Variants in NTRK3 observed in about 807,000 individuals in gnomAD.
The protein encoded by NTRK3 is NT-3 growth factor receptor.
NTRK3 carries 24 observed loss-of-function variants against 91.7 expected under a neutral mutation model. The observed-to-expected ratio is 0.26, with a 90% CI of 0.19 to 0.37. The LOEUF (loss-of-function observed/expected upper bound fraction) is 0.37. Among genes scored for constraint, NTRK3 ranks in the 10% least tolerant of loss-of-function variants. The pLI is 1.00. For synonymous variants in NTRK3, 483 were observed against 404.0 expected (o/e 1.20, Z -2.34); for missense variants, 880 against 1,068.9 (o/e 0.82, Z 2.46).
intron 13 of NTRK3, among the ~76,000 whole-genome samples, chr15:88,082,590 A>G (rs978744662): frequency 6.6e-6 from 1 of 152,236 alleles, no homozygotes; most frequent in Non-Finnish European, 1.5e-5. Flanking sequence ...TGAACTTCAT[A>G]TAAATGGAAT....
At chr15:88,127,368 C>T (rs2053401142) in intron 11 of NTRK3, 142 bp from the exon 12 acceptor site, 2 of 741,728 alleles carry the variant, frequency 2.7e-6, no homozygotes, top group Admixed American at 2.0e-5. Flanking sequence ...TGCAGTCTGC[C>T]TTCCCCAGGC....
chr15:87,874,173 G>A, exon 19 of NTRK3: 1 of 83,536 alleles, frequency 1.2e-5, no homozygotes, highest in East Asian at 1.7e-4. Flanking sequence ...AATTTCCATG[G>A]CCCTATTTTC....
chr15:88,009,461 C>T (rs2076717866), intron 14 of NTRK3, among the ~76,000 whole-genome samples: 1 of 152,150 alleles, frequency 6.6e-6, no homozygotes, highest in Non-Finnish European at 1.5e-5. Context: ...CTAATGGTTG[C>T]CATGCAGAAA....
exon 19 of NTRK3, chr15:87,874,849 TG>T (rs1488181839): frequency 4.3e-6 from 1 of 231,404 alleles, no homozygotes; most frequent in East Asian, 6.1e-5. Context: ...AGGAGTTCCT[TG>T]AGGTGGTCAA....
intron 17 of NTRK3, among the ~76,000 whole-genome samples, chr15:87,919,829 G>T (rs1464263103): frequency 6.6e-6 from 1 of 152,062 alleles, no homozygotes; most frequent in South Asian, 2.1e-4. Context: ...TATTTTATCA[G>T]GAAGGAAAAA....
At chr15:87,938,412 A>G (rs1050719961) in intron 15 of NTRK3, among the ~76,000 whole-genome samples, 7 of 152,142 alleles carry the variant, frequency 4.6e-5, no homozygotes, top group South Asian at 2.1e-4. Flanking sequence ...GGAGGGGAGG[A>G]AGCAGGAAAC....
At chr15:87,909,384 C>A (rs1369015035) in intron 17 of NTRK3, among the ~76,000 whole-genome samples, 4 of 152,158 alleles carry the variant, frequency 2.6e-5, no homozygotes, top group Admixed American at 2.6e-4. Context: ...ACAGTCTCTG[C>A]TCTCAATTGA....
At chr15:88,135,832 C>T (rs777058837) in intron 9 of NTRK3, 67 bp downstream of exon 9, 57 of 1,592,170 alleles carry the variant, frequency 3.6e-5, no homozygotes, top group Non-Finnish European at 4.4e-5. Flanking sequence ...ACACCTTGGC[C>T]CCTCTCCAGC....
intron 3 of NTRK3, among the ~76,000 whole-genome samples, chr15:88,210,582 T>C (rs2049155317): frequency 6.6e-6 from 1 of 152,212 alleles, no homozygotes; most frequent in Non-Finnish European, 1.5e-5. Context: ...GTGGTGCCTG[T>C]GAAGATGATG....
chr15:87,954,572 G>A (rs1227397351), intron 14 of NTRK3, among the ~76,000 whole-genome samples: 2 of 152,138 alleles, frequency 1.3e-5, no homozygotes, highest in Admixed American at 1.3e-4. Context: ...TTAAATATTT[G>A]GATGGAAGAC....
rs1260380498 is a variant in NTRK3 at position 88,029,485 on chromosome 15, A to T, written c.1585+3372T>A. Among the ~76,000 whole-genome samples, 4 of 152,370 alleles carry T rather than the reference A, an allele frequency of 2.6e-5. No homozygotes were observed. The East Asian group carries it at 7.7e-4, about 29-fold the overall frequency. ...CTGTTTATAATAAATACATAAGTAC[A>T]GAAAGAAAAGCACATTTGTGCTTAA... On this transcript the variant is annotated intron_variant, in intron 14 of 18. Transcript: ENST00000394480.
intron 13 of NTRK3, among the ~76,000 whole-genome samples, chr15:88,039,608 ATT>A (rs1415047350): frequency 6.6e-6 from 1 of 152,252 alleles, no homozygotes; most frequent in Non-Finnish European, 1.5e-5. Context: ...TAAATGGTTT[ATT>A]CCAAGTTGGG....
intron 3 of NTRK3, among the ~76,000 whole-genome samples, chr15:88,229,884 A>C (rs2051021220): frequency 6.6e-6 from 1 of 152,274 alleles, no homozygotes. Context: ...CATCAGGAAC[A>C]TTTGTTCCGG....
chr15:88,209,074 A>C (rs1474891366), intron 3 of NTRK3, among the ~76,000 whole-genome samples: 1 of 152,244 alleles, frequency 6.6e-6, no homozygotes, highest in Non-Finnish European at 1.5e-5. Flanking sequence ...ACTATTAGGC[A>C]TAAGTTCTAT....
intron 17 of NTRK3, among the ~76,000 whole-genome samples, chr15:87,917,207 A>T (rs2067508752): frequency 6.6e-6 from 1 of 152,222 alleles, no homozygotes; most frequent in African/African-American, 2.4e-5. Context: ...TTCTCGCTAG[A>T]CACAACTGAG....
intron 13 of NTRK3, among the ~76,000 whole-genome samples, chr15:88,041,226 C>A (rs979668250): frequency 6.6e-6 from 1 of 152,206 alleles, no homozygotes; most frequent in Non-Finnish European, 1.5e-5. Flanking sequence ...TCTGGGCTGA[C>A]AAGTCCAACA....
chr15:88,130,935 G>C (rs147353632), intron 10 of NTRK3, among the ~76,000 whole-genome samples: 9 of 152,218 alleles, frequency 5.9e-5, no homozygotes, highest in Non-Finnish European at 1.0e-4. Flanking sequence ...ATCGTGGTTA[G>C]GTAAGATGTT....
chr15:88,040,402 A>G (rs572395860), intron 13 of NTRK3, among the ~76,000 whole-genome samples: 7 of 152,280 alleles, frequency 4.6e-5, no homozygotes, highest in African/African-American at 1.7e-4. Context: ...GACTCCAGGG[A>G]AAGTTCTTCT....
chr15:88,140,557 G>A (rs983973632), intron 6 of NTRK3, among the ~76,000 whole-genome samples: 3 of 152,192 alleles, frequency 2.0e-5, no homozygotes, highest in Non-Finnish European at 2.9e-5. Context: ...TTGTTTATGT[G>A]AGTCATATCT....
Sources: allele counts gnomAD v4.1 joint callset (sites outside exome capture counted in the v4.1 genomes callset), GRCh38; gene constraint gnomAD v4.1.1; transcripts MANE v1.5; gene names NCBI Gene and HGNC (gene_info 2026-07-23, HGNC 2026-07-21).